Variants in URB1 observed in about 807,000 individuals in gnomAD.
The protein encoded by URB1 is URB1 ribosome biogenesis factor.
Under a neutral mutation model 242.3 loss-of-function variants are expected in URB1, and 197 were observed. The ratio of observed to expected loss-of-function variants is 0.81; its 90% CI spans 0.72 to 0.91. The LOEUF is 0.91. Among genes scored for constraint, URB1 ranks in the 40% least tolerant of loss-of-function variants. The pLI is 0.00. For synonymous variants in URB1, 1,153 were observed against 1,201.8 expected, an observed-to-expected ratio of 0.96 and a Z score of 0.84; for missense variants, 2,721 against 2,860.5, an observed-to-expected ratio of 0.95 and a Z score of 1.11.
intron 11 of URB1, 57 bp downstream of exon 11, chr21:32,363,099 G>C: frequency 6.6e-7 from 1 of 1,515,910 alleles, no homozygotes; most frequent in Admixed American, 2.1e-5. Context: ...GCTGCAGAAT[G>C]GCCTTTTCCA....
rs2032736346 is a variant in URB1, at chr21:32,319,346, C to T, written c.5663G>A (p.Gly1888Glu). The T allele has an allele frequency of 6.4e-7, 1 of 1,551,040 alleles. No homozygotes were observed. Among genetic ancestry groups the T allele is most frequent in the Non-Finnish European group, 8.7e-7 (1 of 1,146,750 alleles). ...LLHTLWVTNLGDKAVEWESQR... is the reference protein window; with the variant it reads ...LLHTLWVTNLEDKAVEWESQR... ...GCTCTCCCACTCCACTGCCTTGTCC[C>T]CCAGGTTGGTCACCCACAGTGTGTG... is the stretch of plus-strand genomic sequence containing the variant. Residue 1888 changes from glycine (G) to glutamate (E), a missense_variant, in exon 36 of 39, where the codon GGG becomes GAG. Physicochemically the swap from Gly to Glu is moderately conservative, Grantham distance 98 (BLOSUM62 -2). Transcript: ENST00000382751.
intron 9 of URB1, 114 bp from the exon 10 acceptor site, chr21:32,366,869 G>A (rs538291560): frequency 8.7e-7 from 1 of 1,148,424 alleles, no homozygotes; most frequent in African/African-American, 1.6e-5. Flanking sequence ...AGCGGTAAAG[G>A]TCCGAGACTC....
chr21:32,361,836 T>C, intron 12 of URB1, 56 bp downstream of exon 12: 1 of 1,528,380 alleles, frequency 6.5e-7, no homozygotes, highest in South Asian at 1.3e-5. Flanking sequence ...AGGCTGCCAG[T>C]GTCAGCTCTG....
chr21:32,360,937 G>T, intron 13 of URB1, 70 bp downstream of exon 13: 1 of 1,126,434 alleles, frequency 8.9e-7, no homozygotes. Flanking sequence ...CCTGATTCTT[G>T]GCTGCAGGGC....
intron 25 of URB1, among the ~76,000 whole-genome samples, chr21:32,340,799 G>A (rs796291454): frequency 4.9e-4 from 74 of 152,184 alleles, no homozygotes; most frequent in African/African-American, 1.7e-3. Flanking sequence ...CAGAGAGGGA[G>A]GGAGAGAGAG....
Position 32,361,949 on chromosome 21 carries a change from T to A in URB1, c.1582A>T (p.Lys528Ter), listed in dbSNP as rs867387726. ...LKKQETKQDD[K>*]KGQKRSDGPP... ...CCATCGCTCCTTTTCTGCCCTTTCT[T>A]GTCATCCTGTTTGGTCTCTTGCTTT... Residue 528 changes from lysine to a stop codon, truncating the protein, a stop_gained, in exon 12 of 39, where the codon AAG becomes TAG. Transcript: ENST00000382751. LOFTEE classifies it high-confidence loss of function. 2 of 1,551,596 alleles carry A rather than the reference T, an allele frequency of 1.3e-6. No homozygotes were observed. Among genetic ancestry groups the A allele is most frequent in the Middle Eastern group, 1.7e-4 (1 of 5,982 alleles).
rs56229518 is a variant in URB1 at position 32,349,904 on chromosome 21, G to A, written c.2833-421C>T. Among the ~76,000 whole-genome samples, 316 of 151,564 alleles carry A rather than the reference G, an allele frequency of 2.1e-3. 2 individuals are homozygous for A. Among genetic ancestry groups the A allele is most frequent in the African/African-American group, 7.3e-3 (300 of 41,294 alleles). ...GAGGTCAGGAGTTCAAGACCAGCCT[G>A]GCCAACATGGCGAAACCCCATCTCT... On this transcript the variant is annotated intron_variant, in intron 20 of 38. Transcript: ENST00000382751.
At chr21:32,379,396 TC>T (rs538106444) in intron 4 of URB1, among the ~76,000 whole-genome samples, 1 of 152,228 alleles carries the variant, frequency 6.6e-6, no homozygotes, top group Non-Finnish European at 1.5e-5. Flanking sequence ...AAAGATACCT[TC>T]ATTCACTGCC....
chr21:32,362,116 G>C (rs892219488), intron 11 of URB1, 95 bp from the exon 12 acceptor site: 42 of 1,459,482 alleles, frequency 2.9e-5, no homozygotes, highest in Middle Eastern at 1.8e-4. Context: ...AAACAGGGAG[G>C]GGGGTGCGAG....
rs1309817296 is a variant in URB1 at position 32,314,932 on chromosome 21, C to T, written c.6802G>A (p.Ala2268Thr). 1 of 1,550,862 alleles carries T rather than the reference C, an allele frequency of 6.4e-7. No homozygotes were observed. Among genetic ancestry groups the T allele is most frequent in the East Asian group, 2.4e-5 (1 of 40,918 alleles). The change falls in exon 39 of 39, where the codon GCC becomes ACC. Residue 2268 changes from alanine to threonine, a missense_variant. Transcript: ENST00000382751. ...GCCGGCAGGAGTCAAGCATCTGAGG[C>T]TGCGCTGGCGGCGTCCTTGCAGAGC... is the stretch of plus-strand genomic sequence containing the variant. Reference protein sequence around the residue: ...VVLCKDAASAASDA With the variant: ...VVLCKDAASATSDA
At chr21:32,382,928 C>T (rs941516361) in intron 4 of URB1, among the ~76,000 whole-genome samples, 2 of 152,200 alleles carry the variant, frequency 1.3e-5, no homozygotes, top group African/African-American at 4.8e-5. Flanking sequence ...CACAATCCAA[C>T]CCTTACCCAT....
chr21:32,359,946 T>A (rs561678414), intron 13 of URB1, 38 bp from the exon 14 acceptor site: 1 of 1,534,556 alleles, frequency 6.5e-7, no homozygotes, highest in East Asian at 2.5e-5. Context: ...AAAAGTCACA[T>A]GGACGTGGGT....
chr21:32,368,495 C>T lies in URB1; in HGVS notation c.1105G>A (p.Asp369Asn). The T allele has an allele frequency of 1.3e-6, 2 of 1,551,768 alleles. No individual in the cohort carries two copies. The highest frequency in any genetic ancestry group is 1.7e-6 in the Non-Finnish European group (2 of 1,147,016). Residue 369 changes from aspartate to asparagine, a missense_variant, in exon 9 of 39, where the codon GAC (aspartate) becomes AAC (asparagine). Asp to Asn is a conservative substitution (Grantham distance 23). Coordinates refer to ENST00000382751, the MANE Select transcript of URB1 (RefSeq NM_014825.3). ...LVVNILKVCPDLLNKYFKEVT... is the reference protein window; with the variant it reads ...LVVNILKVCPNLLNKYFKEVT... ...TCCTTGAAGTATTTGTTCAGTAAGTCCGGGCACACTTTGAGGATGTTTACC... is the reference window on the plus strand; with the variant it reads ...TCCTTGAAGTATTTGTTCAGTAAGTTCGGGCACACTTTGAGGATGTTTACC...
At chr21:32,315,589 C>G (rs894969208) in intron 38 of URB1, among the ~76,000 whole-genome samples, 2 of 152,166 alleles carry the variant, frequency 1.3e-5, no homozygotes, top group Non-Finnish European at 2.9e-5. Flanking sequence ...CTGTGCCTGG[C>G]AGAAATTTAT....
chr21:32,368,478 G>A lies in URB1; in HGVS notation c.1122C>T (p.Tyr374=), dbSNP rs1262553890. The change falls in exon 9 of 39, where the codon TAC becomes TAT. Residue 374 remains tyrosine, a synonymous_variant. Coordinates refer to ENST00000382751, the MANE Select transcript of URB1 (RefSeq NM_014825.3). ...LKVCPDLLNK[Y]FKEVTFSFIP... ...TAAAGGAAAACGTTACTTCCTTGAA[G>A]TATTTGTTCAGTAAGTCCGGGCACA... The A allele has an allele frequency of 6.4e-7, 1 of 1,551,920 alleles. No homozygotes were observed. Among genetic ancestry groups the A allele is most frequent in the East Asian group, 2.4e-5 (1 of 40,926 alleles).
chr21:32,337,055 T>C (rs2032967512), intron 28 of URB1, 39 bp downstream of exon 28: 2 of 1,541,852 alleles, frequency 1.3e-6, no homozygotes, highest in Admixed American at 2.0e-5. Flanking sequence ...GAGCAGGCTG[T>C]GACCTCAAGG....
At chr21:32,360,739 C>T (rs1427666761) in intron 13 of URB1, among the ~76,000 whole-genome samples, 3 of 152,190 alleles carry the variant, frequency 2.0e-5, no homozygotes, top group South Asian at 2.1e-4. Flanking sequence ...GTCACATGAT[C>T]GGATTTGTGG....
rs892500952 is a variant in URB1, at chr21:32,384,306, T to C, written c.434+7A>G. On this transcript the variant is annotated splice_region_variant and intron_variant, in intron 3 of 38. Transcript: ENST00000382751. ...CATCCTTTGTCACACCAAGGCAGAC[T>C]GCCTACCTGTAACCTGAGGCATACA... The C allele has an allele frequency of 1.9e-6, 3 of 1,549,230 alleles. No individual in the cohort carries two copies. Among genetic ancestry groups the C allele is most frequent in the Non-Finnish European group, 1.7e-6 (2 of 1,144,486 alleles).
intron 11 of URB1, 139 bp downstream of exon 11, chr21:32,363,017 C>T (rs1345892644): frequency 1.8e-5 from 20 of 1,104,734 alleles, no homozygotes; most frequent in Middle Eastern, 3.1e-4. Context: ...TCAGCACCCA[C>T]GCTACCACAC....
Sources: allele counts gnomAD v4.1 joint callset (sites outside exome capture counted in the v4.1 genomes callset), GRCh38; gene constraint gnomAD v4.1.1; transcripts MANE v1.5; gene names NCBI Gene and HGNC (gene_info 2026-07-23, HGNC 2026-07-21).